Variants in ADAM22 observed in about 807,000 individuals in gnomAD.
The protein encoded by ADAM22 is ADAM metallopeptidase domain 22, also known as disintegrin and metalloproteinase domain-containing protein 22.
Under a neutral mutation model 144.6 loss-of-function variants are expected in ADAM22, and 65 were observed. That is an observed-to-expected ratio of 0.45 (90% CI 0.37 to 0.55). The LOEUF (loss-of-function observed/expected upper bound fraction) is 0.55, where lower values mean the gene tolerates loss of function less well. Among genes scored for constraint, ADAM22 ranks in the 20% least tolerant of loss-of-function variants. ADAM22 has a pLI of 0.00. For synonymous variants in ADAM22, 391 were observed against 412.6 expected (o/e 0.95, Z 0.63); for missense variants, 974 against 1,184.9 (o/e 0.82, Z 2.61).
chr7:88,153,025 C>G (rs1204320869), intron 20 of ADAM22, among the ~76,000 whole-genome samples, 196 bp from the exon 21 acceptor site: 1 of 152,114 alleles, frequency 6.6e-6, no homozygotes, highest in African/African-American at 2.4e-5. Context: ...TTCAAATGAG[C>G]TTTAATGAAA....
chr7:88,151,184 CATA>C (rs1838250004), intron 19 of ADAM22, 70 bp from the exon 20 acceptor site: 4 of 1,582,614 alleles, frequency 2.5e-6, no homozygotes. Flanking sequence ...TTTTCCCAAT[CATA>C]GTTTCTTTTT....
intron 3 of ADAM22, among the ~76,000 whole-genome samples, chr7:88,011,539 CAAAA>C (rs774557316): frequency 1.1e-5 from 1 of 90,442 alleles, no homozygotes; most frequent in African/African-American, 4.1e-5. Flanking sequence ...GACTCAATCT[CAAAA>C]AAAAAAAAAA....
At chr7:88,113,683 A>AT (rs2129489125) in intron 5 of ADAM22, among the ~76,000 whole-genome samples, 1 of 111,544 alleles carries the variant, frequency 9.0e-6, no homozygotes, top group African/African-American at 3.6e-5. Flanking sequence ...TATAATATAT[A>AT]TATTATAAAT....
At chr7:88,011,314 G>T (rs1461842214) in intron 3 of ADAM22, among the ~76,000 whole-genome samples, 3 of 152,166 alleles carry the variant, frequency 2.0e-5, no homozygotes, top group African/African-American at 7.2e-5. Context: ...GGCCGAGGCG[G>T]GCGGATCACA....
At chr7:88,181,425 G>C in intron 27 of ADAM22, 80 bp from the exon 28 acceptor site, 1 of 1,127,796 alleles carries the variant, frequency 8.9e-7, no homozygotes, top group Non-Finnish European at 1.3e-6. Flanking sequence ...GCACAGTAAT[G>C]CTTAGAAGTT....
rs143507029 is a variant in ADAM22, at chr7:88,071,756, G to A, written c.324-3870G>A. 6.4e-3 allele frequency among the ~76,000 whole-genome samples: 976 copies of A among 152,086 alleles called. 9 individuals carry two copies. The highest frequency in any genetic ancestry group is 0.022 in the African/African-American group (905 of 41,490). On this transcript the variant is annotated intron_variant, in intron 3 of 31. Transcript: ENST00000413139. ...AGAGAATGAGTGGCCTTTAGAAATT[G>A]GTTGAAAATGATTTTTACTTTTATA...
intron 4 of ADAM22, among the ~76,000 whole-genome samples, chr7:88,107,221 T>C (rs990594520): frequency 6.8e-6 from 1 of 147,838 alleles, no homozygotes; most frequent in African/African-American, 2.5e-5. Flanking sequence ...TTTTTTTTTT[T>C]TTGAGACAGG....
chr7:87,945,488 G>A (rs529901506), intron 2 of ADAM22, among the ~76,000 whole-genome samples: 140 of 151,710 alleles, frequency 9.2e-4, no homozygotes, highest in African/African-American at 3.1e-3. Flanking sequence ...GCTGAAGAAT[G>A]AAGCCAATTA....
chr7:88,008,994 G>A (rs1420775697), intron 3 of ADAM22, among the ~76,000 whole-genome samples: 4 of 152,016 alleles, frequency 2.6e-5, no homozygotes, highest in Non-Finnish European at 4.4e-5. Context: ...TAGCATGGTT[G>A]TTTCAAATTT....
At chr7:88,027,952 G>T (rs555752677) in intron 3 of ADAM22, among the ~76,000 whole-genome samples, 1 of 151,954 alleles carries the variant, frequency 6.6e-6, no homozygotes, top group South Asian at 2.1e-4. Flanking sequence ...CACCACATCC[G>T]GCTAATTTTG....
At chr7:88,184,581 G>C (rs1847860973) in intron 29 of ADAM22, among the ~76,000 whole-genome samples, 1 of 152,128 alleles carries the variant, frequency 6.6e-6, no homozygotes, top group Admixed American at 6.5e-5. Flanking sequence ...AAAACACAAA[G>C]AGCTCCCCTA....
At chr7:87,953,665 T>C (rs1285182137) in intron 2 of ADAM22, among the ~76,000 whole-genome samples, 2 of 152,166 alleles carry the variant, frequency 1.3e-5, no homozygotes, top group African/African-American at 2.4e-5. Flanking sequence ...GGTCCGCTTG[T>C]TGCAGAGCTG....
chr7:88,101,089 A>T (rs901185910), intron 4 of ADAM22, among the ~76,000 whole-genome samples: 3 of 151,802 alleles, frequency 2.0e-5, no homozygotes, highest in African/African-American at 7.3e-5. Context: ...CTATGGTAGC[A>T]TATTGGAATC....
At chr7:88,178,845 C>T (rs1846307485) in intron 26 of ADAM22, 90 bp from the exon 27 acceptor site, 1 of 699,100 alleles carries the variant, frequency 1.4e-6, no homozygotes, top group Non-Finnish European at 2.3e-6. Context: ...ATTATCCCTA[C>T]CTCTCTTTTT....
At chr7:87,962,718 C>G (rs901600004) in intron 2 of ADAM22, among the ~76,000 whole-genome samples, 11 of 151,910 alleles carry the variant, frequency 7.2e-5, no homozygotes, top group Non-Finnish European at 1.5e-5. Flanking sequence ...CCAGTAGCTA[C>G]AACAACAAGC....
At chr7:88,128,358 A>G (rs889152287) in intron 8 of ADAM22, among the ~76,000 whole-genome samples, 3 of 152,026 alleles carry the variant, frequency 2.0e-5, no homozygotes. Flanking sequence ...CTAGGAACTG[A>G]GTAGGTGGAG....
chr7:87,961,224 T>G (rs185275688), intron 2 of ADAM22, among the ~76,000 whole-genome samples: 99 of 152,134 alleles, frequency 6.5e-4, no homozygotes, highest in Admixed American at 1.4e-3. Context: ...GCATTATATA[T>G]AGAGAGAATA....
intron 21 of ADAM22, 152 bp from the exon 22 acceptor site, chr7:88,155,735 A>G (rs1839768054): frequency 1.3e-6 from 1 of 788,882 alleles, no homozygotes; most frequent in Non-Finnish European, 1.9e-6. Flanking sequence ...AGCAGGTGGC[A>G]CACTAATTTG....
At chr7:88,017,861 A>G (rs537123945) in intron 3 of ADAM22, among the ~76,000 whole-genome samples, 116 of 151,432 alleles carry the variant, frequency 7.7e-4, no homozygotes, top group Admixed American at 2.0e-3. Context: ...ATATCTTCCT[A>G]TTTCTCTTCA....
Sources: allele counts gnomAD v4.1 joint callset (sites outside exome capture counted in the v4.1 genomes callset), GRCh38; gene constraint gnomAD v4.1.1; transcripts MANE v1.5; gene names NCBI Gene and HGNC (gene_info 2026-07-23, HGNC 2026-07-21).